ZNF385D: variants seen among roughly 807,000 people sequenced by gnomAD.
ZNF385D encodes zinc finger protein 385D.
ZNF385D carries 15 observed loss-of-function variants against 35.8 expected under a neutral mutation model. The observed-to-expected ratio is 0.42, with a 90% confidence interval of 0.28 to 0.64. The LOEUF is 0.64. ZNF385D is among the 30% of genes least tolerant of loss of function. The pLI is 0.23. For missense variants in ZNF385D, 474 were observed against 494.6 expected (o/e 0.96, Z 0.39); for synonymous variants, 212 against 186.8 (o/e 1.13, Z -1.10).
At chr3:21,917,993 A>C (rs764739221) in intron 3 of ZNF385D, among the ~76,000 whole-genome samples, 33 of 152,250 alleles carry the variant, frequency 2.2e-4, no homozygotes, top group Admixed American at 3.9e-4. Context: ...ATCAAGTTAC[A>C]TGAGAGCTAA....
intron 3 of ZNF385D, among the ~76,000 whole-genome samples, chr3:21,537,271 T>G (rs2062059198): frequency 6.6e-6 from 1 of 151,668 alleles, no homozygotes; most frequent in Admixed American, 6.6e-5. Flanking sequence ...TAGCTGGGAT[T>G]ACAGGTGCCT....
At chr3:21,694,843 AAAAC>A (rs759235093) in intron 1 of ZNF385D, among the ~76,000 whole-genome samples, 1 of 152,342 alleles carries the variant, frequency 6.6e-6, no homozygotes, top group Admixed American at 6.5e-5. Flanking sequence ...GAGTCTAATT[AAAAC>A]AAACAAGCAA....
chr3:21,687,939 G>A (rs1396449401), intron 1 of ZNF385D, among the ~76,000 whole-genome samples: 1 of 151,912 alleles, frequency 6.6e-6, no homozygotes, highest in East Asian at 1.9e-4. Context: ...TGTCACCCAG[G>A]CTTGGAATGC....
At chr3:21,917,398 C>T (rs1227751897) in intron 3 of ZNF385D, among the ~76,000 whole-genome samples, 1 of 151,830 alleles carries the variant, frequency 6.6e-6, no homozygotes, top group African/African-American at 2.4e-5. Context: ...GGCCATTGCA[C>T]TCCAGCCTGG....
chr3:21,548,202 C>G (rs2062446628), intron 3 of ZNF385D, among the ~76,000 whole-genome samples: 1 of 152,150 alleles, frequency 6.6e-6, no homozygotes, highest in African/African-American at 2.4e-5. Context: ...GTGATATGGA[C>G]AAGAACCCAG....
chr3:22,355,655 C>T (rs1037849546), intron 2 of ZNF385D, among the ~76,000 whole-genome samples: 16 of 151,794 alleles, frequency 1.1e-4, no homozygotes, highest in Non-Finnish European at 1.8e-4. Flanking sequence ...AAAAGATCCT[C>T]TGTTAAAAAA....
intron 3 of ZNF385D, among the ~76,000 whole-genome samples, chr3:21,837,592 G>A (rs899966386): frequency 7.2e-5 from 11 of 152,072 alleles, no homozygotes; most frequent in Admixed American, 2.0e-4. Flanking sequence ...AGGTTGGAGA[G>A]GCCAGGTGCA....
chr3:21,948,601 G>T (rs964827094), intron 3 of ZNF385D, among the ~76,000 whole-genome samples: 1 of 151,850 alleles, frequency 6.6e-6, no homozygotes, highest in Admixed American at 6.6e-5. Flanking sequence ...TCTATATACT[G>T]AATTGGCATA....
intron 3 of ZNF385D, among the ~76,000 whole-genome samples, chr3:22,045,320 A>G (rs1559329825): frequency 1.3e-5 from 2 of 152,138 alleles, no homozygotes; most frequent in Non-Finnish European, 2.9e-5. Flanking sequence ...TGATCATATA[A>G]TAAATATAAC....
intron 3 of ZNF385D, among the ~76,000 whole-genome samples, chr3:21,815,030 C>G (rs545441406): frequency 1.2e-4 from 18 of 152,318 alleles, no homozygotes; most frequent in Admixed American, 3.3e-4. Flanking sequence ...TTAAGAAGCT[C>G]ACTCAAAACT....
chr3:21,918,288 T>G (rs1013641028), intron 3 of ZNF385D, among the ~76,000 whole-genome samples: 1 of 152,082 alleles, frequency 6.6e-6, no homozygotes, highest in African/African-American at 2.4e-5. Context: ...AACAGAAAAG[T>G]GAGAGGCCAA....
intron 3 of ZNF385D, among the ~76,000 whole-genome samples, chr3:21,547,717 A>G (rs1342970071): frequency 2.0e-5 from 3 of 151,516 alleles, no homozygotes; most frequent in Non-Finnish European, 2.9e-5. Flanking sequence ...TCCAGGTTCA[A>G]GCGATTCTCC....
chr3:21,860,497 G>A (rs1356430747), intron 3 of ZNF385D, among the ~76,000 whole-genome samples: 2 of 82,630 alleles, frequency 2.4e-5, no homozygotes, highest in African/African-American at 8.7e-5. Context: ...TTAATACTTG[G>A]CCTCTTTCAT....
chr3:21,439,444 A>T (rs893387493), intron 4 of ZNF385D, among the ~76,000 whole-genome samples: 3 of 152,030 alleles, frequency 2.0e-5, no homozygotes, highest in Non-Finnish European at 4.4e-5. Context: ...GTAAATACAG[A>T]TATTATATTT....
intron 3 of ZNF385D, among the ~76,000 whole-genome samples, chr3:21,975,739 A>ATATATATATATATATATATG (rs1703571371): frequency 8.3e-5 from 4 of 48,390 alleles, no homozygotes; most frequent in African/African-American, 1.5e-4. Flanking sequence ...ATATATATAT[A>ATATATATATATATATATATG]TATATATATA....
chr3:21,516,440 T>A (rs563416034), intron 3 of ZNF385D, among the ~76,000 whole-genome samples: 70 of 152,226 alleles, frequency 4.6e-4, no homozygotes, highest in Non-Finnish European at 8.8e-4. Flanking sequence ...CCCTTTTTTT[T>A]AAAGAGAAAT....
intron 2 of ZNF385D, among the ~76,000 whole-genome samples, chr3:22,258,473 A>G (rs1235873164): frequency 2.6e-5 from 4 of 151,792 alleles, no homozygotes; most frequent in East Asian, 1.9e-4. Context: ...TATCATGAAA[A>G]TTGCTTGGGT....
At chr3:21,544,142 A>AT (rs1375090554) in intron 3 of ZNF385D, among the ~76,000 whole-genome samples, 2 of 152,246 alleles carry the variant, frequency 1.3e-5, no homozygotes, top group African/African-American at 4.8e-5. Context: ...TCTTTAAGAA[A>AT]TAAAAACAGC....
At chr3:21,443,435 C>G (rs1000322192) in intron 4 of ZNF385D, 1 of 627,270 alleles carries the variant, frequency 1.6e-6, no homozygotes, top group Non-Finnish European at 2.0e-6. Flanking sequence ...CTTATAGAAC[C>G]CATCCATATA....
Sources: gnomAD v4.1 joint callset for allele counts (sites outside exome capture counted in the v4.1 genomes callset) on GRCh38, gnomAD v4.1.1 for gene constraint, MANE v1.5 for transcripts, NCBI Gene and HGNC (gene_info 2026-07-23, HGNC 2026-07-21) for gene names.